The following DHODH variants were observed in gnomAD, a reference collection of about 807,000 sequenced individuals.
DHODH encodes the protein dihydroorotate dehydrogenase (quinone), mitochondrial.
A neutral mutation model predicts 39.7 loss-of-function variants in DHODH; 30 were observed. The ratio of observed to expected loss-of-function variants is 0.76; its 90% confidence interval spans 0.57 to 1.02. DHODH has a LOEUF of 1.02. Among genes scored for constraint, DHODH ranks in the 50% least tolerant of loss-of-function variants. The pLI, the probability that DHODH is intolerant of heterozygous loss-of-function variation, is 0.00. For missense variants in DHODH, 531 were observed against 520.8 expected, an observed-to-expected ratio of 1.02 and a Z score of -0.19; for synonymous variants, 222 against 213.8, an observed-to-expected ratio of 1.04 and a Z score of -0.34.
chr16:72,020,284 AC>A, intron 4 of DHODH: 1 of 146,820 alleles, frequency 6.8e-6, no homozygotes, highest in Admixed American at 6.8e-5. Flanking sequence ...AAAAAAAAAA[AC>A]AAAAAACATT....
In DHODH at chr16:72,014,596, G is replaced by T; in HGVS notation, c.358G>T (p.Val120Leu). 1.2e-6 allele frequency: 2 copies of T among 1,614,186 alleles called. No individual in the cohort carries two copies. Among genetic ancestry groups the T allele is most frequent in the Non-Finnish European group, 1.7e-6 (2 of 1,180,022 alleles). The change falls in exon 3 of 9, where the codon GTG (valine) becomes TTG (leucine). Residue 120 changes from valine (V) to leucine (L), a missense_variant. Coordinates refer to ENST00000219240, the MANE Select transcript of DHODH (RefSeq NM_001361.5). ...MGFGFVEIGSVTPKPQEGNPR... is the reference protein window; with the variant it reads ...MGFGFVEIGSLTPKPQEGNPR... ...CTTTGGTTTTGTTGAGATAGGAAGT[G>T]TGACTCCAAAACCTCAGGAAGGAAA...
intron 3 of DHODH, 27 bp from the exon 4 acceptor site, chr16:72,016,997 C>T (rs1361235924): frequency 6.2e-7 from 1 of 1,609,198 alleles, no homozygotes; most frequent in Non-Finnish European, 8.5e-7. Flanking sequence ...TCTCACTCTG[C>T]CCCTCCCGTG....
At chr16:72,020,827 C>G (rs2041205031) in intron 4 of DHODH, among the ~76,000 whole-genome samples, 1 of 152,062 alleles carries the variant, frequency 6.6e-6, no homozygotes, top group South Asian at 2.1e-4. Context: ...CATCTTTTGC[C>G]CCACAAGTAT....
intron 2 of DHODH, 77 bp downstream of exon 2, chr16:72,012,339 ATCT>A (rs2041093376): frequency 7.4e-7 from 1 of 1,357,262 alleles, no homozygotes; most frequent in Non-Finnish European, 1.0e-6. Context: ...GCTGGGACTG[ATCT>A]TTTTGAAAAC....
chr16:72,022,500 G>A (rs1437160188), intron 6 of DHODH, 25 bp downstream of exon 6: 1 of 1,533,892 alleles, frequency 6.5e-7, no homozygotes, highest in African/African-American at 1.4e-5. Flanking sequence ...CTGGGCCCAG[G>A]GTGTGCCTCC....
rs1376212584 is a variant in DHODH, at chr16:72,027,537, A to G, written c.*3338A>G. On this transcript the variant is annotated 3_prime_UTR_variant, in exon 9 of 9. Transcript: ENST00000219240. ...GATGATGACCGCGTCTCCCTCTGGGACCAAGGATGGTGGAAGGGTGTGCAG... is the reference window on the plus strand; with the variant it reads ...GATGATGACCGCGTCTCCCTCTGGGGCCAAGGATGGTGGAAGGGTGTGCAG... 2 of 152,216 alleles carry G rather than the reference A, an allele frequency of 1.3e-5. No homozygotes were observed. Among genetic ancestry groups the G allele is most frequent in the Non-Finnish European group, 2.9e-5 (2 of 68,056 alleles). The allele number at this position is 152,216 out of a possible 1,614,324, so 9.4% of individuals were successfully genotyped here. A position where few individuals can be genotyped will look rare whatever the true frequency, so the allele number is the denominator to read the frequency against.
chr16:72,009,046 G>T, intron 1 of DHODH: 1 of 1,413,924 alleles, frequency 7.1e-7, no homozygotes. Flanking sequence ...ATGTTTTTGA[G>T]CCTGGCACAG....
intron 4 of DHODH, 77 bp from the exon 5 acceptor site, chr16:72,021,047 G>A (rs1378819093): frequency 1.6e-5 from 23 of 1,454,866 alleles, no homozygotes; most frequent in Admixed American, 2.0e-5. Context: ...TCCACAGGTG[G>A]TTTGGTCAAG....
At chr16:72,016,394 C>A (rs1417192493) in intron 3 of DHODH, 1 of 158,620 alleles carries the variant, frequency 6.3e-6, no homozygotes, top group Admixed American at 5.9e-5. Context: ...AGATGAGGCT[C>A]CTGCCTTCAG....
At chr16:72,021,655 T>C (rs1039850253) in intron 5 of DHODH, among the ~76,000 whole-genome samples, 33 of 152,190 alleles carry the variant, frequency 2.2e-4, no homozygotes, top group African/African-American at 1.4e-4. Flanking sequence ...TTCCTGGTTA[T>C]CTTTTAGGAA....
chr16:72,015,553 C>T (rs951671729), intron 3 of DHODH: 1 of 304,226 alleles, frequency 3.3e-6, no homozygotes, highest in Admixed American at 6.5e-5. Context: ...ATCTTTGGGG[C>T]CACTGGTGGC....
intron 6 of DHODH, among the ~76,000 whole-genome samples, chr16:72,022,798 CG>C (rs1380206969): frequency 1.3e-5 from 2 of 152,162 alleles, no homozygotes; most frequent in African/African-American, 4.8e-5. Context: ...GTCTGGACAG[CG>C]GGTCTCTGTG....
intron 2 of DHODH, among the ~76,000 whole-genome samples, chr16:72,013,020 G>C (rs537293524): frequency 6.6e-6 from 1 of 152,172 alleles, no homozygotes; most frequent in Non-Finnish European, 1.5e-5. Context: ...GTTTCCTTTC[G>C]AGAGGCTTCT....
Position 72,024,260 on chromosome 16 carries a change from T to C in DHODH, c.*61T>C, listed in dbSNP as rs978261018. On this transcript the variant is annotated 3_prime_UTR_variant, in exon 9 of 9. Coordinates refer to ENST00000219240, the MANE Select transcript of DHODH (RefSeq NM_001361.5). Reference sequence around the variant, plus strand: ...TCCCAAGGACTCAGGCAAGCCTTTGTGGCTGGATCATGAGAGGAGGGACTC... The same window carrying C: ...TCCCAAGGACTCAGGCAAGCCTTTGCGGCTGGATCATGAGAGGAGGGACTC... 55 of 1,581,882 alleles carry C rather than the reference T, an allele frequency of 3.5e-5. No homozygotes were observed. Among genetic ancestry groups the C allele is most frequent in the Non-Finnish European group, 4.6e-5 (53 of 1,151,788 alleles).
chr16:72,012,360 C>T, intron 2 of DHODH, 98 bp downstream of exon 2: 1 of 1,068,558 alleles, frequency 9.4e-7, no homozygotes, highest in Non-Finnish European at 1.4e-6. Flanking sequence ...AACCAGAACC[C>T]CAAGTGAGCA....
intron 1 of DHODH, 74 bp from the exon 2 acceptor site, chr16:72,011,976 C>T (rs936832452): frequency 7.3e-6 from 9 of 1,235,422 alleles, no homozygotes; most frequent in African/African-American, 1.5e-5. Flanking sequence ...CCTCTGTGTA[C>T]CTGGGTGTGA....
rs1194679027 is a variant in DHODH at position 72,014,539 on chromosome 16, G to C, written c.301G>C (p.Gly101Arg). The C allele has an allele frequency of 3.7e-6, 6 of 1,614,198 alleles. No individual in the cohort carries two copies. The highest frequency in any genetic ancestry group is 5.1e-6 in the Non-Finnish European group (6 of 1,180,042). The change falls in exon 3 of 9, where the codon GGG (glycine) becomes CGG (arginine). Residue 101 changes from glycine to arginine, a missense_variant. By Grantham distance (125) the Gly-to-Arg change is moderately radical. Coordinates refer to ENST00000219240, the MANE Select transcript of DHODH (RefSeq NM_001361.5). ...AATTGCTGCAGGATTTGACAAGCAT[G>C]GGGAAGCCGTGGACGGACTTTATAA... ...VGIAAGFDKH[G>R]EAVDGLYKMG...
chr16:72,017,671 G>T (rs897779653), intron 4 of DHODH, among the ~76,000 whole-genome samples: 3 of 151,894 alleles, frequency 2.0e-5, no homozygotes, highest in African/African-American at 7.3e-5. Context: ...CAATACTTTG[G>T]GTGCCCAAGT....
At chr16:72,020,712 A>T (rs1436690636) in intron 4 of DHODH, among the ~76,000 whole-genome samples, 1 of 152,102 alleles carries the variant, frequency 6.6e-6, no homozygotes, top group Non-Finnish European at 1.5e-5. Context: ...CTGTACATCC[A>T]GTCAACCGAG....
Sources: gnomAD v4.1 joint callset for allele counts (sites outside exome capture counted in the v4.1 genomes callset) on GRCh38, gnomAD v4.1.1 for gene constraint, MANE v1.5 for transcripts, NCBI Gene and HGNC (gene_info 2026-07-23, HGNC 2026-07-21) for gene names.